Variants in CRADD observed in about 807,000 individuals in gnomAD.
CRADD encodes death domain-containing protein CRADD.
In CRADD, 9 loss-of-function variants were observed where a neutral mutation model predicts 15.5. That is an observed-to-expected ratio of 0.58 (90% CI 0.35 to 1.01). The LOEUF (loss-of-function observed/expected upper bound fraction) is 1.01, where lower values mean the gene tolerates loss of function less well. CRADD is among the 50% of genes least tolerant of loss of function. CRADD has a pLI of 0.02. For missense variants in CRADD, 227 were observed against 250.3 expected (o/e 0.91, Z 0.63); for synonymous variants, 118 against 107.6 (o/e 1.10, Z -0.60).
At chr12:93,726,004 T>G (rs1188551508) in intron 2 of CRADD, among the ~76,000 whole-genome samples, 3 of 152,054 alleles carry the variant, frequency 2.0e-5, no homozygotes, top group Admixed American at 6.6e-5. Context: ...ATTCTTCTAC[T>G]GAATTAACCT....
chr12:93,711,055 C>CCCCCCTTTTTTTTTTTT, intron 2 of CRADD, among the ~76,000 whole-genome samples: 1 of 43,508 alleles, frequency 2.3e-5, no homozygotes, highest in Non-Finnish European at 4.4e-5. Context: ...CCACCCCCGC[C>CCCCCCTTTTTTTTTTTT]TTTTTTTTTT....
chr12:93,815,649 G>T lies in CRADD; in HGVS notation c.299-34321G>T, dbSNP rs1368305585. Among the ~76,000 whole-genome samples the T allele has an allele frequency of 2.0e-5, 3 of 152,180 alleles. 1 individual carries two copies. Among genetic ancestry groups the T allele is most frequent in the Admixed American group, 1.3e-4 (2 of 15,264 alleles). On this transcript the variant is annotated intron_variant, in intron 2 of 2. Transcript: ENST00000332896. ...TTATTTGATTGGGTTGAAAACTTCT[G>T]GGCCAGGTAATCCTAAAGTCTCTTA...
chr12:93,798,329 G>A (rs75007317), intron 2 of CRADD, among the ~76,000 whole-genome samples: 97 of 152,142 alleles, frequency 6.4e-4, no homozygotes, highest in African/African-American at 2.1e-3. Flanking sequence ...AGTATTTCTC[G>A]GTTTTTGTGT....
intron 2 of CRADD, among the ~76,000 whole-genome samples, chr12:93,777,168 C>G (rs1157558119): frequency 6.6e-6 from 1 of 152,152 alleles, no homozygotes; most frequent in Non-Finnish European, 1.5e-5. Context: ...GCCAGCGAGC[C>G]AGGCAAGGTG....
chr12:93,857,002 T>C (rs1302737663), intron 2 of CRADD, among the ~76,000 whole-genome samples: 1 of 152,180 alleles, frequency 6.6e-6, no homozygotes, highest in Non-Finnish European at 1.5e-5. Context: ...AAAATTAAAG[T>C]CTCACAAAGA....
chr12:93,798,117 T>C (rs1389794928), intron 2 of CRADD, among the ~76,000 whole-genome samples: 1 of 152,208 alleles, frequency 6.6e-6, no homozygotes, highest in Non-Finnish European at 1.5e-5. Flanking sequence ...ATCCCGCTGC[T>C]CCTCCTTGAT....
chr12:93,770,181 C>T (rs1957070620), intron 2 of CRADD, among the ~76,000 whole-genome samples: 1 of 147,604 alleles, frequency 6.8e-6, no homozygotes, highest in Non-Finnish European at 1.5e-5. Flanking sequence ...CTGCAAGCTC[C>T]GCCTCCCGGG....
At chr12:93,678,649 T>TG in intron 1 of CRADD, 120 bp from the exon 2 acceptor site, 1 of 996,050 alleles carries the variant, frequency 1.0e-6, no homozygotes, top group East Asian at 2.6e-5. Context: ...TACCATGACC[T>TG]GGCAGTCTGC....
chr12:93,811,355 C>A (rs7302663), intron 2 of CRADD, among the ~76,000 whole-genome samples: 91,113 of 152,050 alleles, frequency 0.6, 27,713 homozygotes, highest in African/African-American at 0.65. Context: ...GTAAAGTTTC[C>A]AGGCTGTGTG....
At chr12:93,778,139 C>A (rs1239632436) in intron 2 of CRADD, among the ~76,000 whole-genome samples, 3 of 152,168 alleles carry the variant, frequency 2.0e-5, no homozygotes, top group African/African-American at 7.2e-5. Flanking sequence ...GTTTGATTAA[C>A]TATCCTGGAT....
intron 2 of CRADD, among the ~76,000 whole-genome samples, chr12:93,792,170 T>C (rs541796925): frequency 3.3e-4 from 50 of 152,146 alleles, no homozygotes; most frequent in African/African-American, 1.1e-3. Context: ...TTTTGAAAAA[T>C]AGAATGTCTT....
At chr12:93,888,481 T>C (rs1417149610) in intron 2 of CRADD, among the ~76,000 whole-genome samples, 1 of 151,618 alleles carries the variant, frequency 6.6e-6, no homozygotes, top group Non-Finnish European at 1.5e-5. Context: ...TCACCTTCTA[T>C]ACCATGTGAA....
At chr12:93,755,832 C>A (rs73220826) in intron 2 of CRADD, among the ~76,000 whole-genome samples, 2,145 of 152,118 alleles carry the variant, frequency 0.014, 27 homozygotes, top group Non-Finnish European at 0.022. Flanking sequence ...AACTTTGTTT[C>A]AATAAAAGAA....
In CRADD at chr12:93,801,707, A is replaced by C. The variant is rs114262225; in HGVS notation, c.299-48263A>C. Among the ~76,000 whole-genome samples the C allele has an allele frequency of 8.2e-3, 1,247 of 152,268 alleles. 23 individuals are homozygous for C. The highest frequency in any genetic ancestry group is 0.029 in the African/African-American group (1,190 of 41,554). ...AGCCACAGTGCCTGGCCTTTAAAAAATGTTTATTTAAATAGTTTTGGGGGT... is the reference window on the plus strand; with the variant it reads ...AGCCACAGTGCCTGGCCTTTAAAAACTGTTTATTTAAATAGTTTTGGGGGT... On this transcript the variant is annotated intron_variant, in intron 2 of 2. Coordinates refer to ENST00000332896, the MANE Select transcript of CRADD (RefSeq NM_003805.5).
At chr12:93,823,007 C>T (rs908987945) in intron 2 of CRADD, among the ~76,000 whole-genome samples, 11 of 152,066 alleles carry the variant, frequency 7.2e-5, no homozygotes, top group African/African-American at 2.4e-4. Flanking sequence ...AGAATATGCT[C>T]GCATTGGCCG....
chr12:93,868,006 A>C (rs1958385116), intron 2 of CRADD, among the ~76,000 whole-genome samples: 1 of 152,234 alleles, frequency 6.6e-6, no homozygotes, highest in African/African-American at 2.4e-5. Flanking sequence ...GAAAGATTTA[A>C]AGTTGAAAAC....
downstream of CRADD, among the ~76,000 whole-genome samples, chr12:93,854,888 A>T (rs1427914532): frequency 6.6e-6 from 1 of 152,214 alleles, no homozygotes; most frequent in African/African-American, 2.4e-5. Context: ...AATACTTTTT[A>T]AAAACTTTTA....
chr12:93,882,867 T>G (rs140668389), intron 2 of CRADD, among the ~76,000 whole-genome samples: 263 of 152,288 alleles, frequency 1.7e-3, no homozygotes, highest in African/African-American at 6.0e-3. Flanking sequence ...GAACTGGCCT[T>G]TGTGGTTTCC....
chr12:93,894,246 T>A lies in CRADD; in HGVS notation c.*129T>A, dbSNP rs750051048. On this transcript the variant is annotated 3_prime_UTR_variant, in exon 3 of 3. Transcript: ENST00000548483. Reference sequence around the variant, plus strand: ...CAATGTCTGGAGGCGTTTTTGGTTGTCACAATTCTGTGTATGTGTGTGGGT... The same window carrying A: ...CAATGTCTGGAGGCGTTTTTGGTTGACACAATTCTGTGTATGTGTGTGGGT... The A allele has an allele frequency of 9.9e-4, 561 of 566,958 alleles. 3 individuals carry two copies. Among genetic ancestry groups the A allele is most frequent in the Admixed American group, 1.7e-3 (72 of 42,220 alleles). 35.1% of individuals were successfully genotyped at this position (566,958 alleles called of 1,614,324 possible). A position where few individuals can be genotyped will look rare whatever the true frequency, so the allele number is the denominator to read the frequency against.
Sources: gnomAD v4.1 joint callset for allele counts (sites outside exome capture counted in the v4.1 genomes callset) on GRCh38, gnomAD v4.1.1 for gene constraint, MANE v1.5 for transcripts, NCBI Gene and HGNC (gene_info 2026-07-23, HGNC 2026-07-21) for gene names.